Variants in CMC1 observed in about 807,000 individuals in gnomAD.
CMC1 encodes COX assembly mitochondrial protein homolog.
CMC1 carries 14 observed loss-of-function variants against 14.1 expected under a neutral mutation model. That is an observed-to-expected ratio of 0.99 (90% confidence interval 0.66 to 1.55). The LOEUF (loss-of-function observed/expected upper bound fraction) is 1.55, where lower values mean the gene tolerates loss of function less well. CMC1 is among the 40% of genes most tolerant of loss of function. The pLI, the probability that CMC1 is intolerant of heterozygous loss-of-function variation, is 0.00. For synonymous variants in CMC1, 50 were observed against 38.4 expected, an observed-to-expected ratio of 1.30 and a Z score of -1.12; for missense variants, 127 against 123.8, an observed-to-expected ratio of 1.03 and a Z score of -0.12.
chr3:28,296,012 T>G lies in CMC1; in HGVS notation c.110-20321T>G, dbSNP rs183883107. 3.8e-3 allele frequency among the ~76,000 whole-genome samples: 571 copies of G among 152,254 alleles called. 4 individuals carry two copies. Among genetic ancestry groups the G allele is most frequent in the African/African-American group, 0.013 (521 of 41,574 alleles). ...TAAGAATTTTCATGCCCTAAACCAG[T>G]TACTTTCAGTTTCTTTTCACCTGGT... On this transcript the variant is annotated intron_variant, in intron 2 of 3. Coordinates refer to ENST00000466830, the MANE Select transcript of CMC1 (RefSeq NM_182523.2).
intron 2 of CMC1, among the ~76,000 whole-genome samples, chr3:28,312,563 A>G (rs1702690403): frequency 6.6e-6 from 1 of 152,192 alleles, no homozygotes. Flanking sequence ...TTAAGGAACC[A>G]TATTATTGGG....
intron 1 of CMC1, among the ~76,000 whole-genome samples, chr3:28,248,177 A>G (rs778838958): frequency 9.2e-5 from 14 of 152,248 alleles, no homozygotes; most frequent in Admixed American, 3.9e-4. Context: ...AATTGGAGAA[A>G]TAAAGAAAAA....
chr3:28,242,453 T>A (rs1455720475), intron 1 of CMC1, among the ~76,000 whole-genome samples: 2 of 152,194 alleles, frequency 1.3e-5, no homozygotes, highest in South Asian at 4.1e-4. Flanking sequence ...TTGGAGGGAA[T>A]GGTAGTTGGT....
intron 2 of CMC1, among the ~76,000 whole-genome samples, chr3:28,287,422 T>C (rs569995414): frequency 6.6e-6 from 1 of 152,300 alleles, no homozygotes; most frequent in African/African-American, 2.4e-5. Flanking sequence ...TGCTCTACTT[T>C]GTAATTGCAG....
chr3:28,319,006 T>C (rs1703072477), intron 3 of CMC1: 1 of 267,632 alleles, frequency 3.7e-6, no homozygotes, highest in South Asian at 3.6e-5. Context: ...TTTTCTCCTA[T>C]GTGCATAATC....
At chr3:28,312,465 AACTG>A (rs953458117) in intron 2 of CMC1, among the ~76,000 whole-genome samples, 1 of 152,206 alleles carries the variant, frequency 6.6e-6, no homozygotes, top group East Asian at 1.9e-4. Context: ...TGTTGCTTGA[AACTG>A]ACTATGTGCA....
chr3:28,295,334 C>T (rs964878116), intron 2 of CMC1, among the ~76,000 whole-genome samples: 1 of 152,164 alleles, frequency 6.6e-6, no homozygotes, highest in Admixed American at 6.5e-5. Context: ...TTCTTATCTA[C>T]AGTTATTTTT....
intron 2 of CMC1, among the ~76,000 whole-genome samples, chr3:28,280,402 A>C (rs1214069229): frequency 3.9e-5 from 6 of 152,174 alleles, no homozygotes; most frequent in Non-Finnish European, 8.8e-5. Flanking sequence ...GATCAGTGTT[A>C]TCTAATTAGA....
intron 2 of CMC1, among the ~76,000 whole-genome samples, chr3:28,307,403 C>T (rs943066240): frequency 2.0e-5 from 3 of 152,174 alleles, no homozygotes; most frequent in African/African-American, 7.2e-5. Flanking sequence ...GTGCTGCACA[C>T]CTGTAGTCCT....
At position 28,279,739 on chromosome 3, in the gene CMC1, A is replaced by C. The variant is rs372007237; in HGVS notation, c.109+16359A>C. 5.9e-5 allele frequency among the ~76,000 whole-genome samples: 9 copies of C among 152,280 alleles called. No individual in the cohort carries two copies. In the South Asian group the frequency reaches 8.3e-4, roughly 14 times the overall value. On this transcript the variant is annotated intron_variant, in intron 2 of 3. Transcript: ENST00000466830. ...AAAGATAGATCAAGGAAATACCTAAACAGAGAGGGGAAAAAAAAAGATTTA... is the reference window on the plus strand; with the variant it reads ...AAAGATAGATCAAGGAAATACCTAACCAGAGAGGGGAAAAAAAAAGATTTA...
intron 2 of CMC1, among the ~76,000 whole-genome samples, chr3:28,307,294 C>T (rs1208808887): frequency 6.6e-6 from 1 of 152,066 alleles, no homozygotes; most frequent in African/African-American, 2.4e-5. Context: ...CAGGCCAAGT[C>T]AAGAGAATTG....
At chr3:28,293,116 G>A (rs1283459097) in intron 2 of CMC1, among the ~76,000 whole-genome samples, 1 of 152,010 alleles carries the variant, frequency 6.6e-6, no homozygotes, top group Admixed American at 6.6e-5. Flanking sequence ...TTGTGGGAAC[G>A]TTAAGTGCAG....
chr3:28,274,289 T>G (rs1022307464), intron 2 of CMC1, among the ~76,000 whole-genome samples: 1 of 145,172 alleles, frequency 6.9e-6, no homozygotes, highest in Non-Finnish European at 1.5e-5. Flanking sequence ...TTTCAGGAGC[T>G]CTTGCAAGGC....
At chr3:28,260,247 T>C (rs989725440) in intron 1 of CMC1, among the ~76,000 whole-genome samples, 7 of 152,120 alleles carry the variant, frequency 4.6e-5, no homozygotes, top group African/African-American at 1.7e-4. Flanking sequence ...TTTGCATCTG[T>C]GTTCATGAGG....
intron 1 of CMC1, among the ~76,000 whole-genome samples, chr3:28,246,823 GATTC>G (rs1353831978): frequency 8.7e-6 from 1 of 114,546 alleles, no homozygotes; most frequent in Non-Finnish European, 1.8e-5. Flanking sequence ...TTTTTTACCT[GATTC>G]AGTCTTTCCC....
At chr3:28,254,944 C>G (rs948686301) in intron 1 of CMC1, among the ~76,000 whole-genome samples, 3 of 152,128 alleles carry the variant, frequency 2.0e-5, no homozygotes, top group African/African-American at 7.2e-5. Context: ...CAGTTTTATT[C>G]TTTTCTCTGT....
chr3:28,279,895 C>T (rs1315851545), intron 2 of CMC1, among the ~76,000 whole-genome samples: 1 of 152,120 alleles, frequency 6.6e-6, no homozygotes, highest in South Asian at 2.1e-4. Context: ...CACACATCTG[C>T]CCAGTGACCT....
chr3:28,294,345 T>G (rs1701636394), intron 2 of CMC1: 1 of 194,558 alleles, frequency 5.1e-6, no homozygotes, highest in African/African-American at 2.4e-5. Flanking sequence ...CTTCTAAAGT[T>G]GCGAATTGTA....
At chr3:28,268,233 C>A (rs182955946) in intron 2 of CMC1, among the ~76,000 whole-genome samples, 19 of 152,100 alleles carry the variant, frequency 1.2e-4, no homozygotes, top group African/African-American at 4.6e-4. Flanking sequence ...AGCATATAAT[C>A]CTATTCATAG....
Sources: gnomAD v4.1 joint callset for allele counts (sites outside exome capture counted in the v4.1 genomes callset) on GRCh38, gnomAD v4.1.1 for gene constraint, MANE v1.5 for transcripts, NCBI Gene and HGNC (gene_info 2026-07-23, HGNC 2026-07-21) for gene names.